The following MTFR1 variants were observed in gnomAD, a reference collection of about 807,000 sequenced individuals.
The protein encoded by MTFR1 is chondrocyte protein with a poly-proline region.
MTFR1 carries 28 observed loss-of-function variants against 38.8 expected under a neutral mutation model. That is an observed-to-expected ratio of 0.72 (90% confidence interval 0.53 to 0.99). The LOEUF (loss-of-function observed/expected upper bound fraction) is 0.99. Ranked by LOEUF, MTFR1 falls within the 50% of genes least tolerant of loss-of-function variation. MTFR1 has a pLI of 0.00. For synonymous variants in MTFR1, 145 were observed against 137.0 expected, an observed-to-expected ratio of 1.06 and a Z score of -0.41; for missense variants, 358 against 395.5, an observed-to-expected ratio of 0.91 and a Z score of 0.81.
chr8:65,769,675 G>C (rs1208127670), intron 3 of MTFR1, among the ~76,000 whole-genome samples: 1 of 152,008 alleles, frequency 6.6e-6, no homozygotes, highest in Admixed American at 6.6e-5. Flanking sequence ...GCAGGCAGAT[G>C]ACTTGAGGTC....
chr8:65,657,098 C>T (rs1285063036), intron 1 of MTFR1, among the ~76,000 whole-genome samples: 1 of 150,898 alleles, frequency 6.6e-6, no homozygotes, highest in Non-Finnish European at 1.5e-5. Flanking sequence ...ACTGTAACAT[C>T]CGCCTCCTGA....
rs532751622 is a variant in MTFR1 at position 65,672,873 on chromosome 8, C to G, written c.66+2855C>G. 4.6e-4 allele frequency among the ~76,000 whole-genome samples: 70 copies of G among 152,322 alleles called. 3 individuals are homozygous for G. The South Asian group carries it at 0.014, about 31-fold the overall frequency. On this transcript the variant is annotated intron_variant, in intron 2 of 7. Coordinates refer to ENST00000262146, the MANE Select transcript of MTFR1 (RefSeq NM_014637.4). ...AATTGAAGAGAATTAGAACCTTGCT[C>G]TGGATTAGGCTTTGGCTTAAGGGAA...
chr8:65,676,832 G>A (rs558265435), intron 2 of MTFR1, among the ~76,000 whole-genome samples: 14 of 152,132 alleles, frequency 9.2e-5, no homozygotes, highest in African/African-American at 2.6e-4. Flanking sequence ...AGCCTCACAC[G>A]TCAACACTTT....
chr8:65,731,744 CAT>C (rs1291739079), intron 3 of MTFR1: 2 of 152,052 alleles, frequency 1.3e-5, no homozygotes, highest in African/African-American at 2.4e-5. Flanking sequence ...TTTTTTTCCA[CAT>C]AGACAAGAGT....
intron 1 of MTFR1, among the ~76,000 whole-genome samples, chr8:65,667,208 A>G (rs7463538): frequency 0.19 from 29,051 of 151,650 alleles, 2,939 homozygotes; most frequent in Middle Eastern, 0.23. Flanking sequence ...CCCGTGAGGC[A>G]AAGGTTGCAG....
At chr8:65,774,205 CT>C (rs1809191089), downstream of MTFR1, among the ~76,000 whole-genome samples, 2 of 152,166 alleles carry the variant, frequency 1.3e-5, no homozygotes, top group African/African-American at 4.8e-5. Context: ...TCCTTGCTTC[CT>C]TTTCTAAAAC....
downstream of MTFR1, among the ~76,000 whole-genome samples, chr8:65,771,934 T>C (rs1025773339): frequency 2.1e-5 from 3 of 145,620 alleles, no homozygotes; most frequent in East Asian, 2.0e-4. Flanking sequence ...GGAAATATCC[T>C]GAAAGCAGGG....
intron 3 of MTFR1, chr8:65,723,542 A>C (rs1313505303): frequency 1.3e-6 from 2 of 1,559,398 alleles, no homozygotes; most frequent in Non-Finnish European, 1.7e-6. Flanking sequence ...TATAGTTACC[A>C]ATCTGGATGT....
intron 1 of MTFR1, among the ~76,000 whole-genome samples, chr8:65,659,138 C>T (rs1585746746): frequency 6.6e-6 from 1 of 152,216 alleles, no homozygotes; most frequent in South Asian, 2.1e-4. Context: ...AGGAGTCCAC[C>T]GTCTATGTCA....
intron 3 of MTFR1, among the ~76,000 whole-genome samples, chr8:65,730,574 T>C (rs967938983): frequency 1.3e-5 from 2 of 152,120 alleles, no homozygotes; most frequent in African/African-American, 4.8e-5. Flanking sequence ...AAATATTGTC[T>C]TCCGTGAAAC....
At chr8:65,715,285 C>T (rs1231734938), downstream of MTFR1, among the ~76,000 whole-genome samples, 2 of 151,884 alleles carry the variant, frequency 1.3e-5, no homozygotes, top group African/African-American at 4.8e-5. Flanking sequence ...CCTGTAATCC[C>T]AGCACTTTGA....
intron 3 of MTFR1, chr8:65,724,705 G>A (rs534341812): frequency 7.6e-7 from 1 of 1,315,132 alleles, no homozygotes; most frequent in Admixed American, 2.1e-5. Flanking sequence ...AACTACACTA[G>A]AATATTCATT....
At chr8:65,698,012 CTAATT>C (rs1805493933) in intron 4 of MTFR1, among the ~76,000 whole-genome samples, 2 of 151,916 alleles carry the variant, frequency 1.3e-5, no homozygotes, top group African/African-American at 4.8e-5. Context: ...TTGATGAAGT[CTAATT>C]TATGTATTTT....
intron 1 of MTFR1, among the ~76,000 whole-genome samples, chr8:65,659,143 A>G (rs562145670): frequency 6.6e-6 from 1 of 152,146 alleles, no homozygotes; most frequent in African/African-American, 2.4e-5. Context: ...TCCACCGTCT[A>G]TGTCACCTCC....
chr8:65,684,781 G>T (rs937600247), intron 3 of MTFR1, among the ~76,000 whole-genome samples: 1 of 151,232 alleles, frequency 6.6e-6, no homozygotes, highest in African/African-American at 2.4e-5. Context: ...GAGGTGGGTG[G>T]ATCACCTGAG....
chr8:65,665,746 C>T (rs1309316583), intron 1 of MTFR1, among the ~76,000 whole-genome samples: 1 of 152,224 alleles, frequency 6.6e-6, no homozygotes, highest in Non-Finnish European at 1.5e-5. Context: ...CCCTCAGCTT[C>T]CTGAGTAACT....
At chr8:65,678,120 A>G (rs904806629) in intron 2 of MTFR1, among the ~76,000 whole-genome samples, 1 of 152,128 alleles carries the variant, frequency 6.6e-6, no homozygotes. Context: ...CTTTAGAGGA[A>G]GTCTTTCCTT....
chr8:65,712,649 C>A (rs1468483499), downstream of MTFR1, among the ~76,000 whole-genome samples: 1 of 152,124 alleles, frequency 6.6e-6, no homozygotes, highest in African/African-American at 2.4e-5. Context: ...GATTAGGTAA[C>A]CTGCCTAAGG....
chr8:65,719,518 T>C (rs761499875), intron 3 of MTFR1: 2 of 1,467,520 alleles, frequency 1.4e-6, no homozygotes, highest in South Asian at 1.1e-5. Flanking sequence ...GGAGAAAAAG[T>C]TATTAACATA....
Sources: allele counts gnomAD v4.1 joint callset (sites outside exome capture counted in the v4.1 genomes callset), GRCh38; gene constraint gnomAD v4.1.1; transcripts MANE v1.5; gene names NCBI Gene and HGNC (gene_info 2026-07-23, HGNC 2026-07-21).